Variants in MAF observed in about 807,000 individuals in gnomAD.
MAF encodes the protein MAF bZIP transcription factor.
A neutral mutation model predicts 22.0 loss-of-function variants in MAF; 10 were observed. That is an observed-to-expected ratio of 0.45 (90% confidence interval 0.28 to 0.77). The LOEUF is 0.77. Ranked by LOEUF, MAF falls within the 30% of genes least tolerant of loss-of-function variation. The probability of loss-of-function intolerance (pLI) is 0.12; values close to 1 mark genes in which losing one functional copy is unlikely to be tolerated. For synonymous variants in MAF, 337 were observed against 255.8 expected (o/e 1.32, Z -3.03); for missense variants, 544 against 548.4 (o/e 0.99, Z 0.08).
downstream of MAF, among the ~76,000 whole-genome samples, chr16:79,581,707 G>GA (rs1422377037): frequency 1.3e-5 from 2 of 152,172 alleles, no homozygotes; most frequent in Non-Finnish European, 2.9e-5. Flanking sequence ...CTTGCCGAGG[G>GA]AAAACACAAT....
the MAF span, among the ~76,000 whole-genome samples, chr16:79,378,429 G>A: frequency 6.6e-6 from 1 of 152,114 alleles, no homozygotes; most frequent in Admixed American, 6.5e-5. Context: ...GCGAAACAAA[G>A]CTGTTCTGTT....
At chr16:79,357,323 G>A in the MAF span, among the ~76,000 whole-genome samples, 3 of 152,084 alleles carry the variant, frequency 2.0e-5, no homozygotes, top group East Asian at 3.9e-4. Context: ...GGTGGCGGGC[G>A]CCTGTAATCC....
At chr16:79,354,986 T>C in the MAF span, among the ~76,000 whole-genome samples, 1 of 152,162 alleles carries the variant, frequency 6.6e-6, no homozygotes, top group East Asian at 1.9e-4. Context: ...AAAAACCTGT[T>C]TGGGAGACAG....
At chr16:79,513,461 G>T in the MAF span, among the ~76,000 whole-genome samples, 1 of 152,314 alleles carries the variant, frequency 6.6e-6, no homozygotes, top group Non-Finnish European at 1.5e-5. Flanking sequence ...AGCTGCTCCT[G>T]GAGCACAGCA....
the MAF span, among the ~76,000 whole-genome samples, chr16:79,543,575 T>G: frequency 9.2e-5 from 14 of 152,094 alleles, no homozygotes; most frequent in Admixed American, 2.6e-4. Flanking sequence ...TTTGTCTCAA[T>G]GCCCCACGTT....
At chr16:79,447,891 C>CAAAAAAAAAAAAAAAAAAAAAA in the MAF span, among the ~76,000 whole-genome samples, 18 of 72,568 alleles carry the variant, frequency 2.5e-4, no homozygotes, top group African/African-American at 1.3e-3. Flanking sequence ...GATTCCATCT[C>CAAAAAAAAAAAAAAAAAAAAAA]AAAAAAAAAA....
At chr16:79,530,454 G>GA in the MAF span, among the ~76,000 whole-genome samples, 483 of 152,054 alleles carry the variant, frequency 3.2e-3, 3 homozygotes, top group South Asian at 0.034. Context: ...TTTCTCAGGG[G>GA]AAAAAAATTT....
At chr16:79,339,078 T>C in the MAF span, among the ~76,000 whole-genome samples, 1 of 152,024 alleles carries the variant, frequency 6.6e-6, no homozygotes, top group Non-Finnish European at 1.5e-5. Context: ...TTTAATTTAT[T>C]TTTTATTTTT....
chr16:79,337,202 C>G, the MAF span, among the ~76,000 whole-genome samples: 1 of 152,106 alleles, frequency 6.6e-6, no homozygotes, highest in Non-Finnish European at 1.5e-5. Context: ...TTGTGGATAC[C>G]GTGGCCTCCT....
At chr16:79,487,492 C>A in the MAF span, among the ~76,000 whole-genome samples, 278 of 152,030 alleles carry the variant, frequency 1.8e-3, 1 homozygote, top group African/African-American at 6.2e-3. Flanking sequence ...AGTAAAAGAA[C>A]CTAAATGATT....
At chr16:79,203,270 C>T in the MAF span, 1 of 152,134 alleles carries the variant, frequency 6.6e-6, no homozygotes, top group Admixed American at 6.6e-5. Flanking sequence ...GAAATATTAA[C>T]AAGGCCAGCG....
the MAF span, among the ~76,000 whole-genome samples, chr16:79,537,694 G>A: frequency 1.3e-5 from 2 of 152,158 alleles, no homozygotes; most frequent in African/African-American, 4.8e-5. Flanking sequence ...CAGATGCCAT[G>A]AGATCCACCA....
the MAF span, among the ~76,000 whole-genome samples, chr16:79,288,564 G>A: frequency 6.6e-6 from 1 of 152,160 alleles, no homozygotes; most frequent in Admixed American, 6.5e-5. Flanking sequence ...GAAATTTTGA[G>A]ATACAGTAAT....
chr16:79,261,693 T>C, the MAF span, among the ~76,000 whole-genome samples: 1 of 152,192 alleles, frequency 6.6e-6, no homozygotes, highest in African/African-American at 2.4e-5. Context: ...AGCCCTCTTC[T>C]GGCCAGCCTT....
At chr16:79,581,829 T>G (rs1464220945), downstream of MAF, among the ~76,000 whole-genome samples, 2 of 152,194 alleles carry the variant, frequency 1.3e-5, no homozygotes, top group African/African-American at 4.8e-5. Flanking sequence ...TTAATGTCAT[T>G]CCGCAGGCTT....
the MAF span, among the ~76,000 whole-genome samples, chr16:79,488,104 C>T: frequency 6.6e-6 from 1 of 152,182 alleles, no homozygotes; most frequent in Non-Finnish European, 1.5e-5. Flanking sequence ...TGGAGTGACG[C>T]ATTGGCACGC....
the MAF span, among the ~76,000 whole-genome samples, chr16:79,389,510 C>T: frequency 1.2e-3 from 182 of 152,326 alleles, 1 homozygote; most frequent in African/African-American, 4.2e-3. Flanking sequence ...GATCCACCTG[C>T]CTCTGCCTCC....
chr16:79,259,874 G>C, the MAF span, among the ~76,000 whole-genome samples: 1 of 152,084 alleles, frequency 6.6e-6, no homozygotes, highest in Non-Finnish European at 1.5e-5. Context: ...GGGGGAGTTA[G>C]GGATGATAAT....
the MAF span, among the ~76,000 whole-genome samples, chr16:79,394,313 T>A: frequency 2.0e-5 from 3 of 152,136 alleles, no homozygotes; most frequent in African/African-American, 7.2e-5. Context: ...GAGTCAGGAA[T>A]ATAGAAATCT....
Sources: gnomAD v4.1 joint callset for allele counts (sites outside exome capture counted in the v4.1 genomes callset) on GRCh38, gnomAD v4.1.1 for gene constraint, MANE v1.5 for transcripts, NCBI Gene and HGNC (gene_info 2026-07-23, HGNC 2026-07-21) for gene names.